LAMB1: variants seen among roughly 807,000 people sequenced by gnomAD.
LAMB1 encodes laminin subunit beta-1.
In LAMB1, 121 loss-of-function variants were observed where a neutral mutation model predicts 222.3. The ratio of observed to expected loss-of-function variants is 0.54; its 90% CI spans 0.47 to 0.63. The LOEUF (loss-of-function observed/expected upper bound fraction) is 0.63, where lower values mean the gene tolerates loss of function less well. LAMB1 is among the 30% of genes least tolerant of loss of function. LAMB1 has a pLI of 0.00. For missense variants in LAMB1, 2,172 were observed against 2,240.8 expected, an observed-to-expected ratio of 0.97 and a Z score of 0.62; for synonymous variants, 794 against 807.2, an observed-to-expected ratio of 0.98 and a Z score of 0.28.
chr7:107,934,750 T>C (rs1456170785), intron 27 of LAMB1, among the ~76,000 whole-genome samples: 1 of 152,108 alleles, frequency 6.6e-6, no homozygotes, highest in Non-Finnish European at 1.5e-5. Context: ...GGTTTTATAA[T>C]TCAAATCAGA....
chr7:107,940,364 A>C lies in LAMB1; in HGVS notation c.3392-6T>G. ...CCTGGGGTCACAGTCACAGGCTAGA[A>C]GGGAATAAGCAATGCTAGCTGATCT... On this transcript the variant is annotated splice_region_variant and splice_polypyrimidine_tract_variant and intron_variant, in intron 24 of 33. Coordinates refer to ENST00000222399, the MANE Select transcript of LAMB1 (RefSeq NM_002291.3). 6.2e-7 allele frequency: 1 copy of C among 1,609,778 alleles called. No homozygotes were observed.
chr7:108,001,865 G>A, intron 2 of LAMB1, 132 bp from the exon 3 acceptor site: 1 of 1,497,682 alleles, frequency 6.7e-7, no homozygotes, highest in Non-Finnish European at 9.0e-7. Flanking sequence ...AAAATGCACA[G>A]AAAAGACAAT....
chr7:107,963,015 A>C lies in LAMB1; in HGVS notation c.1747T>G (p.Trp583Gly). ...ACTCGGACGAAGCCGGCTCCAGTCC[A>C]GGAGGGAATCCGGTCCTGGATATAT... is the stretch of plus-strand genomic sequence containing the variant. The part of the protein sequence containing the change: ...RQYIQDRIPS[W>G]TGAGFVRVPE... Residue 583 changes from tryptophan to glycine, a missense_variant, in exon 15 of 34, where the codon TGG (tryptophan) becomes GGG (glycine). Transcript: ENST00000222399. The C allele has an allele frequency of 6.2e-7, 1 of 1,614,094 alleles. No individual in the cohort carries two copies. The highest frequency in any genetic ancestry group is 1.1e-5 in the South Asian group (1 of 91,066).
intron 24 of LAMB1, among the ~76,000 whole-genome samples, chr7:107,944,499 T>C (rs2033068642): frequency 6.6e-6 from 1 of 152,142 alleles, no homozygotes; most frequent in Non-Finnish European, 1.5e-5. Flanking sequence ...GATGACCGGA[T>C]TGCAGTGTCA....
rs1423503571 is a variant in LAMB1, at chr7:107,935,343, CTTTGTTTTTTTTT to C, written c.4188+59_4188+71del. ...TAATGACAAAAGATGGTTTGTTTTT[CTTTGTTTTTTTTT>C]TTTTTTTTTTTTTTTTTGCTTGGCA... is the stretch of plus-strand genomic sequence containing the variant. On this transcript the variant is annotated intron_variant, in intron 27 of 33. Transcript: ENST00000222399. 6.5e-5 allele frequency: 89 copies of C among 1,371,962 alleles called. No individual in the cohort carries two copies. In the African/African-American group the frequency reaches 1.6e-3, roughly 24 times the overall value. 85.0% of individuals were successfully genotyped at this position (1,371,962 alleles called of 1,614,324 possible). A position where few individuals can be genotyped will look rare whatever the true frequency, so the allele number is the denominator to read the frequency against.
At chr7:107,980,538 T>G in intron 8 of LAMB1, 71 bp downstream of exon 8, 1 of 1,269,670 alleles carries the variant, frequency 7.9e-7, no homozygotes, top group Non-Finnish European at 1.1e-6. Flanking sequence ...AGGCTTAAGG[T>G]AAGACTAGCT....
chr7:107,989,364 C>T lies in LAMB1; in HGVS notation c.424-3001G>A, dbSNP rs547908421. On this transcript the variant is annotated intron_variant, in intron 5 of 33. Transcript: ENST00000222399. ...GAACCTAAATAAAGACACTTACTTC[C>T]GAATTAAAACCAACGCTTGACAGAA... Among the ~76,000 whole-genome samples, 14 of 152,280 alleles carry T rather than the reference C, an allele frequency of 9.2e-5. No individual in the cohort carries two copies. In the South Asian group the frequency reaches 2.5e-3, roughly 27 times the overall value.
intron 25 of LAMB1, 129 bp from the exon 26 acceptor site, chr7:107,937,406 C>T (rs1291012042): frequency 4.4e-6 from 3 of 684,432 alleles, no homozygotes; most frequent in Non-Finnish European, 7.4e-6. Context: ...AACATTTCAT[C>T]CCTAAGTGCT....
chr7:108,002,193 T>C, intron 2 of LAMB1: 4 of 1,380,212 alleles, frequency 2.9e-6, no homozygotes, highest in Non-Finnish European at 3.8e-6. Context: ...CGCGTGGAGA[T>C]CTGTGAGCTT....
chr7:107,940,565 A>G (rs1584491275), intron 24 of LAMB1: 2 of 574,838 alleles, frequency 3.5e-6, no homozygotes, highest in Non-Finnish European at 6.2e-6. Flanking sequence ...TAGCAGTAAT[A>G]ATACTTTAAA....
At position 107,959,310 on chromosome 7, in the gene LAMB1, C is replaced by T. The variant is rs962002343; in HGVS notation, c.2629G>A (p.Asp877Asn). 9 of 1,614,126 alleles carry T rather than the reference C, an allele frequency of 5.6e-6. No homozygotes were observed. Among genetic ancestry groups the T allele is most frequent in the African/African-American group, 4.0e-5 (3 of 74,944 alleles). Reference sequence around the variant, plus strand: ...TTCAAGCACTCCCCAGTCACTGGGTCGCAGTCATCGGCGTGGCCATTGCAC... The same window carrying T: ...TTCAAGCACTCCCCAGTCACTGGGTTGCAGTCATCGGCGTGGCCATTGCAC... ...CQCNGHADDCDPVTGECLNCQ... is the reference protein window; with the variant it reads ...CQCNGHADDCNPVTGECLNCQ... The change falls in exon 20 of 34, where the codon GAC becomes AAC. Residue 877 changes from aspartate to asparagine, a missense_variant. Physicochemically the swap from Asp to Asn is conservative, Grantham distance 23 (BLOSUM62 1). Coordinates refer to ENST00000222399, the MANE Select transcript of LAMB1 (RefSeq NM_002291.3).
intron 5 of LAMB1, among the ~76,000 whole-genome samples, chr7:107,994,207 C>G (rs1338672290): frequency 1.3e-5 from 2 of 152,126 alleles, no homozygotes. Flanking sequence ...CAGGCAGCTG[C>G]TTAAGAAGAA....
chr7:107,948,018 T>C (rs1323360308), intron 24 of LAMB1, among the ~76,000 whole-genome samples: 3 of 147,918 alleles, frequency 2.0e-5, no homozygotes, highest in Admixed American at 6.8e-5. Context: ...AGTCTTGCTC[T>C]GTCACCCAGG....
Position 107,961,592 on chromosome 7 carries a change from G to A in LAMB1, c.1942C>T (p.Pro648Ser), listed in dbSNP as rs2033502766. The change falls in exon 16 of 34, where the codon CCC (proline) becomes TCC (serine). Residue 648 changes from proline to serine, a missense_variant. By Grantham distance (74) the Pro-to-Ser change is moderately conservative. Transcript: ENST00000222399. ...GACACCACCTGGTTGTCATCATCGG[G>A]GATGGTATTACCACATCGGCTGCTG... ...PTSSRCGNTIPDDDNQVVSLS... is the reference protein window; with the variant it reads ...PTSSRCGNTISDDDNQVVSLS... 6.2e-7 allele frequency: 1 copy of A among 1,614,070 alleles called. No individual in the cohort carries two copies. Among genetic ancestry groups the A allele is most frequent in the Non-Finnish European group, 8.5e-7 (1 of 1,179,980 alleles).
intron 7 of LAMB1, among the ~76,000 whole-genome samples, chr7:107,985,052 C>G (rs1001372078): frequency 6.6e-6 from 1 of 152,062 alleles, no homozygotes; most frequent in Admixed American, 6.5e-5. Flanking sequence ...CTCTTTGATA[C>G]AAAAGCCCAA....
At chr7:107,979,132 G>A (rs180928821) in intron 8 of LAMB1, among the ~76,000 whole-genome samples, 47 of 152,316 alleles carry the variant, frequency 3.1e-4, no homozygotes, top group African/African-American at 1.1e-3. Flanking sequence ...ACCCGTGATA[G>A]TAACAGGACA....
Position 107,972,977 on chromosome 7 carries a change from T to A in LAMB1, c.1562+15A>T. ...GGAAGACTGAGGACAAGAGCATACGTAGAGCTCCATTTACCTGTTGTTTAA... is the reference window on the plus strand; with the variant it reads ...GGAAGACTGAGGACAAGAGCATACGAAGAGCTCCATTTACCTGTTGTTTAA... On this transcript the variant is annotated intron_variant, in intron 13 of 33. Transcript: ENST00000222399. 1.9e-6 allele frequency: 3 copies of A among 1,598,084 alleles called. No homozygotes were observed. The highest frequency in any genetic ancestry group is 2.6e-6 in the Non-Finnish European group (3 of 1,165,414).
At chr7:107,935,254 C>T (rs1408804393) in intron 27 of LAMB1, 161 bp downstream of exon 27, 4 of 1,074,804 alleles carry the variant, frequency 3.7e-6, no homozygotes, top group South Asian at 3.2e-5. Flanking sequence ...ATACCCCATT[C>T]CAGGATCCAG....
intron 20 of LAMB1, among the ~76,000 whole-genome samples, chr7:107,958,141 T>C (rs772863854): frequency 1.1e-4 from 16 of 152,214 alleles, no homozygotes; most frequent in Non-Finnish European, 2.9e-5. Context: ...CTCTCGTACT[T>C]ATTCTCCATC....
Sources: gnomAD v4.1 joint callset for allele counts (sites outside exome capture counted in the v4.1 genomes callset) on GRCh38, gnomAD v4.1.1 for gene constraint, MANE v1.5 for transcripts, NCBI Gene and HGNC (gene_info 2026-07-23, HGNC 2026-07-21) for gene names.